The following GPR158 variants were observed in gnomAD, a reference collection of about 807,000 sequenced individuals.
The protein encoded by GPR158 is metabotropic glycine receptor.
Under a neutral mutation model 78.2 loss-of-function variants are expected in GPR158, and 30 were observed. The observed-to-expected ratio is 0.38, with a 90% CI of 0.29 to 0.52. The LOEUF (loss-of-function observed/expected upper bound fraction) is 0.52. Ranked by LOEUF, GPR158 falls within the 20% of genes least tolerant of loss-of-function variation. GPR158 has a pLI of 0.83. For missense variants in GPR158, 1,463 were observed against 1,523.5 expected, an observed-to-expected ratio of 0.96 and a Z score of 0.66; for synonymous variants, 581 against 591.1, an observed-to-expected ratio of 0.98 and a Z score of 0.25.
intron 1 of GPR158, among the ~76,000 whole-genome samples, chr10:25,214,931 A>G (rs1166799253): frequency 6.6e-6 from 1 of 152,246 alleles, no homozygotes; most frequent in Non-Finnish European, 1.5e-5. Context: ...GGTCTGAGAT[A>G]CTTGGTTATG....
intron 1 of GPR158, among the ~76,000 whole-genome samples, chr10:25,195,284 C>T (rs1419583422): frequency 2.0e-5 from 3 of 151,990 alleles, no homozygotes; most frequent in African/African-American, 7.3e-5. Context: ...TGGCTCACTG[C>T]AACCTCCTCC....
intron 2 of GPR158, among the ~76,000 whole-genome samples, chr10:25,370,846 A>G (rs957314735): frequency 4.6e-5 from 7 of 151,764 alleles, no homozygotes; most frequent in Non-Finnish European, 7.4e-5. Flanking sequence ...ATGAATCTGG[A>G]TGCTCCTGTA....
At position 25,497,018 on chromosome 10, in the gene GPR158, G is replaced by A. The variant is rs73608302; in HGVS notation, c.1404+30299G>A. 9.6e-3 allele frequency among the ~76,000 whole-genome samples: 1,467 copies of A among 152,222 alleles called. 35 individuals carry two copies. Among genetic ancestry groups the A allele is most frequent in the African/African-American group, 0.033 (1,364 of 41,522 alleles). ...TGGGATCTGAGCTTGGACAGGTGAC[G>A]GGCCAAGGAGGTGAGGAAAAGTATC... On this transcript the variant is annotated intron_variant, in intron 5 of 10. Coordinates refer to ENST00000376351, the MANE Select transcript of GPR158 (RefSeq NM_020752.3).
chr10:25,202,914 C>G (rs1852956099), intron 1 of GPR158, among the ~76,000 whole-genome samples: 1 of 152,172 alleles, frequency 6.6e-6, no homozygotes, highest in Non-Finnish European at 1.5e-5. Flanking sequence ...TCTCCAGCAC[C>G]TGTTGTTTCC....
chr10:25,591,443 G>A (rs1463114019), intron 8 of GPR158, among the ~76,000 whole-genome samples: 1 of 152,104 alleles, frequency 6.6e-6, no homozygotes, highest in Non-Finnish European at 1.5e-5. Flanking sequence ...AGAGCCCCAA[G>A]CAACTCATTG....
At chr10:25,465,281 A>G (rs1835406834) in intron 4 of GPR158, among the ~76,000 whole-genome samples, 1 of 152,162 alleles carries the variant, frequency 6.6e-6, no homozygotes, top group Non-Finnish European at 1.5e-5. Flanking sequence ...TACATTTTGT[A>G]TTATATTTAG....
intron 2 of GPR158, among the ~76,000 whole-genome samples, chr10:25,378,107 A>T (rs1008173049): frequency 1.8e-4 from 28 of 152,110 alleles, no homozygotes; most frequent in African/African-American, 5.6e-4. Flanking sequence ...TTATTTTTTT[A>T]AAACTCTTAT....
chr10:25,413,537 T>C (rs1199106353), intron 4 of GPR158, among the ~76,000 whole-genome samples: 1 of 152,166 alleles, frequency 6.6e-6, no homozygotes, highest in Non-Finnish European at 1.5e-5. Flanking sequence ...AAACAAAACC[T>C]AAAGTTTCCA....
chr10:25,497,416 G>A (rs1007320186), intron 5 of GPR158, among the ~76,000 whole-genome samples: 14 of 152,162 alleles, frequency 9.2e-5, no homozygotes, highest in African/African-American at 3.1e-4. Flanking sequence ...AGAACATAAA[G>A]CGCCTATTAA....
chr10:25,402,323 G>A (rs916417863), intron 3 of GPR158, among the ~76,000 whole-genome samples: 2 of 152,050 alleles, frequency 1.3e-5, no homozygotes, highest in African/African-American at 4.8e-5. Flanking sequence ...CAGAGGCTAA[G>A]AAACATGGCA....
intron 6 of GPR158, among the ~76,000 whole-genome samples, chr10:25,566,204 C>T (rs532371456): frequency 1.3e-5 from 2 of 152,220 alleles, no homozygotes; most frequent in African/African-American, 2.4e-5. Context: ...GTTAACATTC[C>T]TTTTAGTTTT....
intron 6 of GPR158, among the ~76,000 whole-genome samples, chr10:25,569,686 A>G (rs1165326921): frequency 1.3e-5 from 2 of 152,016 alleles, no homozygotes; most frequent in African/African-American, 2.4e-5. Context: ...ATATCCCCTT[A>G]TATCTTTTCC....
intron 2 of GPR158, among the ~76,000 whole-genome samples, chr10:25,376,764 A>G (rs1834087043): frequency 6.6e-6 from 1 of 151,722 alleles, no homozygotes; most frequent in African/African-American, 2.4e-5. Context: ...TTTATAGTGT[A>G]TACATCCTGA....
At chr10:25,481,765 C>G (rs1014079130) in intron 5 of GPR158, among the ~76,000 whole-genome samples, 1 of 152,178 alleles carries the variant, frequency 6.6e-6, no homozygotes, top group Non-Finnish European at 1.5e-5. Context: ...TTCAACTTCT[C>G]CATATCCACA....
At chr10:25,286,594 C>T (rs977915603) in intron 2 of GPR158, among the ~76,000 whole-genome samples, 1 of 151,402 alleles carries the variant, frequency 6.6e-6, no homozygotes, top group Admixed American at 6.6e-5. Context: ...TGTGTCTTGA[C>T]AGTGTTGTTG....
At chr10:25,521,995 G>C (rs1836283302) in intron 5 of GPR158, among the ~76,000 whole-genome samples, 1 of 152,166 alleles carries the variant, frequency 6.6e-6, no homozygotes, top group Non-Finnish European at 1.5e-5. Context: ...TCTTTTGACT[G>C]TCATAAATAA....
chr10:25,413,059 G>A (rs1266308618), intron 4 of GPR158, among the ~76,000 whole-genome samples: 1 of 152,166 alleles, frequency 6.6e-6, no homozygotes, highest in Non-Finnish European at 1.5e-5. Context: ...AGTGGCTCAT[G>A]CCTGTAATCT....
At chr10:25,284,434 G>A (rs1306717102) in intron 2 of GPR158, among the ~76,000 whole-genome samples, 2 of 151,570 alleles carry the variant, frequency 1.3e-5, no homozygotes, top group African/African-American at 2.4e-5. Flanking sequence ...ATATTAATAT[G>A]CCTATTCTAG....
intron 2 of GPR158, among the ~76,000 whole-genome samples, chr10:25,280,506 A>C (rs1854252275): frequency 6.6e-6 from 1 of 152,224 alleles, no homozygotes; most frequent in Non-Finnish European, 1.5e-5. Context: ...AGAAATTGAC[A>C]AACTTACCAC....
Sources: gnomAD v4.1 joint callset for allele counts (sites outside exome capture counted in the v4.1 genomes callset) on GRCh38, gnomAD v4.1.1 for gene constraint, MANE v1.5 for transcripts, NCBI Gene and HGNC (gene_info 2026-07-23, HGNC 2026-07-21) for gene names.